Variants in SORCS3 observed in about 807,000 individuals in gnomAD.
SORCS3 encodes sortilin related VPS10 domain containing receptor 3.
SORCS3 carries 57 observed loss-of-function variants against 146.3 expected under a neutral mutation model. The ratio of observed to expected loss-of-function variants is 0.39; its 90% CI spans 0.31 to 0.49. The LOEUF is 0.49. Among genes scored for constraint, SORCS3 ranks in the 20% least tolerant of loss-of-function variants. The pLI is 0.92. For synonymous variants in SORCS3, 653 were observed against 618.5 expected, an observed-to-expected ratio of 1.06 and a Z score of -0.83; for missense variants, 1,341 against 1,575.5, an observed-to-expected ratio of 0.85 and a Z score of 2.52.
intron 3 of SORCS3, among the ~76,000 whole-genome samples, chr10:104,954,937 G>A (rs1317642439): frequency 2.6e-5 from 4 of 151,970 alleles, no homozygotes; most frequent in Admixed American, 6.6e-5. Flanking sequence ...AATGAGTCCC[G>A]GACCCAGTTC....
chr10:104,652,059 ATG>A (rs3069971), intron 1 of SORCS3, among the ~76,000 whole-genome samples: 54,687 of 148,840 alleles, frequency 0.37, 10,506 homozygotes, highest in East Asian at 0.73. Context: ...TATATTTTAA[ATG>A]TGTGTGTGTG....
At chr10:105,163,562 T>C (rs2056284940) in intron 11 of SORCS3, among the ~76,000 whole-genome samples, 1 of 152,102 alleles carries the variant, frequency 6.6e-6, no homozygotes, top group South Asian at 2.1e-4. Context: ...GAAATCAATA[T>C]AGATGGACTA....
At chr10:105,240,803 A>C (rs1221250716) in intron 20 of SORCS3, among the ~76,000 whole-genome samples, 1 of 152,066 alleles carries the variant, frequency 6.6e-6, no homozygotes, top group Non-Finnish European at 1.5e-5. Flanking sequence ...TCTCCAGCCC[A>C]GTCCCCCTTC....
chr10:104,816,064 G>A (rs562344840), intron 1 of SORCS3, among the ~76,000 whole-genome samples: 5 of 151,488 alleles, frequency 3.3e-5, no homozygotes, highest in South Asian at 2.1e-4. Context: ...TTTCTTTTTC[G>A]CTTTTGAATT....
intron 1 of SORCS3, among the ~76,000 whole-genome samples, chr10:104,655,819 T>TC (rs1021024203): frequency 3.3e-5 from 5 of 152,070 alleles, no homozygotes; most frequent in African/African-American, 1.2e-4. Context: ...AGACATCTGC[T>TC]CCCCCTTTGC....
At chr10:104,838,904 G>A (rs1311109093) in intron 1 of SORCS3, among the ~76,000 whole-genome samples, 1 of 152,182 alleles carries the variant, frequency 6.6e-6, no homozygotes, top group Admixed American at 6.5e-5. Context: ...TTAGGCTCCG[G>A]CTTTATTCAT....
intron 4 of SORCS3, among the ~76,000 whole-genome samples, chr10:105,033,813 C>T (rs1176254485): frequency 6.6e-6 from 1 of 152,144 alleles, no homozygotes; most frequent in Non-Finnish European, 1.5e-5. Context: ...TGTACTCTTA[C>T]CTGTTTTGGC....
chr10:104,992,125 T>C (rs115212120), intron 4 of SORCS3, among the ~76,000 whole-genome samples: 2,939 of 151,912 alleles, frequency 0.019, 100 homozygotes, highest in African/African-American at 0.066. Context: ...ACCAGGAAAA[T>C]TGGCAGTAGG....
chr10:105,254,257 A>C lies in SORCS3; in HGVS notation c.3237+1351A>C, dbSNP rs571494301. 4.6e-5 allele frequency among the ~76,000 whole-genome samples: 7 copies of C among 152,362 alleles called. No homozygotes were observed. In the South Asian group the frequency reaches 1.4e-3, roughly 32 times the overall value. ...TGCTTTAATCCTGGCAGCGGCCTACATCCCCTGTGTCTATGACTTCATCAG... is the reference window on the plus strand; with the variant it reads ...TGCTTTAATCCTGGCAGCGGCCTACCTCCCCTGTGTCTATGACTTCATCAG... On this transcript the variant is annotated intron_variant, in intron 23 of 26. Coordinates refer to ENST00000369701, the MANE Select transcript of SORCS3 (RefSeq NM_014978.3).
At chr10:104,781,450 C>G (rs2017373078) in intron 1 of SORCS3, among the ~76,000 whole-genome samples, 1 of 152,166 alleles carries the variant, frequency 6.6e-6, no homozygotes, top group African/African-American at 2.4e-5. Context: ...AGGTTGAGTG[C>G]ATGAGGTAGG....
chr10:105,228,966 C>G (rs1388143689), intron 20 of SORCS3, among the ~76,000 whole-genome samples: 4 of 152,156 alleles, frequency 2.6e-5, no homozygotes, highest in African/African-American at 9.7e-5. Flanking sequence ...TTCTTTTTAT[C>G]TTCTGGCATA....
intron 5 of SORCS3, among the ~76,000 whole-genome samples, chr10:105,059,828 C>A (rs1288325670): frequency 6.6e-6 from 1 of 152,188 alleles, no homozygotes; most frequent in Admixed American, 6.5e-5. Flanking sequence ...CTGAGCCTTC[C>A]CCTCTATGGG....
intron 3 of SORCS3, among the ~76,000 whole-genome samples, chr10:104,975,947 C>A (rs1194231727): frequency 6.6e-6 from 1 of 152,178 alleles, no homozygotes; most frequent in Admixed American, 6.5e-5. Context: ...AGACCTAAAA[C>A]CATAAAAACC....
intron 3 of SORCS3, among the ~76,000 whole-genome samples, chr10:104,964,072 C>T (rs771791472): frequency 1.3e-5 from 2 of 152,136 alleles, no homozygotes; most frequent in Non-Finnish European, 2.9e-5. Context: ...TCCCTGGTCT[C>T]TTTGATTTTT....
At chr10:104,649,347 C>T (rs1389882407) in intron 1 of SORCS3, among the ~76,000 whole-genome samples, 4 of 152,220 alleles carry the variant, frequency 2.6e-5, no homozygotes, top group Admixed American at 6.5e-5. Flanking sequence ...GATATAGTAT[C>T]TCTACCTTGG....
At chr10:104,930,594 G>A (rs1252156933) in intron 3 of SORCS3, among the ~76,000 whole-genome samples, 1 of 152,200 alleles carries the variant, frequency 6.6e-6, no homozygotes, top group Non-Finnish European at 1.5e-5. Context: ...GGGTTGATGG[G>A]GGCAGTAAAT....
chr10:104,820,869 T>C (rs1012067323), intron 1 of SORCS3, among the ~76,000 whole-genome samples: 3 of 152,178 alleles, frequency 2.0e-5, no homozygotes, highest in African/African-American at 7.2e-5. Context: ...ACAGAATCTG[T>C]CTTGAGAAGT....
rs2797810 is a variant in SORCS3 at position 105,031,332 on chromosome 10, A to C, written c.955-11723A>C. ...CAAACAAACAACACACACACACACA[A>C]ACACACACACACACACACACACACA... On this transcript the variant is annotated intron_variant, in intron 4 of 26. Transcript: ENST00000369701. 7.0e-3 allele frequency among the ~76,000 whole-genome samples: 790 copies of C among 113,554 alleles called. 5 individuals carry two copies. The highest frequency in any genetic ancestry group is 0.02 in the African/African-American group (681 of 33,646). 74.5% of individuals were successfully genotyped at this position (113,554 alleles called of 152,430 possible).
chr10:104,837,964 G>C (rs549312623), intron 1 of SORCS3, among the ~76,000 whole-genome samples: 1 of 152,184 alleles, frequency 6.6e-6, no homozygotes, highest in Non-Finnish European at 1.5e-5. Context: ...TGCTGGTTGT[G>C]TGCTGTGGGG....
Sources: allele counts gnomAD v4.1 joint callset (sites outside exome capture counted in the v4.1 genomes callset), GRCh38; gene constraint gnomAD v4.1.1; transcripts MANE v1.5; gene names NCBI Gene and HGNC (gene_info 2026-07-23, HGNC 2026-07-21).